MAGI2: variants seen among roughly 807,000 people sequenced by gnomAD.
MAGI2 encodes the protein membrane associated guanylate kinase, WW and PDZ domain containing 2, also known as membrane-associated guanylate kinase, WW and PDZ domain-containing protein 2.
Under a neutral mutation model 133.3 loss-of-function variants are expected in MAGI2, and 35 were observed. That is an observed-to-expected ratio of 0.26 (90% CI 0.20 to 0.35). MAGI2 has a LOEUF of 0.35. Among genes scored for constraint, MAGI2 ranks in the 10% least tolerant of loss-of-function variants. MAGI2 has a pLI of 1.00. For synonymous variants in MAGI2, 729 were observed against 710.6 expected (o/e 1.03, Z -0.41); for missense variants, 1,636 against 1,863.4 (o/e 0.88, Z 2.25).
chr7:78,876,516 C>T (rs181726904), intron 2 of MAGI2, among the ~76,000 whole-genome samples: 1 of 151,790 alleles, frequency 6.6e-6, no homozygotes, highest in East Asian at 1.9e-4. Flanking sequence ...TTTCAATTAA[C>T]CCAAAGCAGG....
At position 78,798,834 on chromosome 7, in the gene MAGI2, T is replaced by C. The variant is rs146015388; in HGVS notation, c.419-171595A>G. Among the ~76,000 whole-genome samples the C allele has an allele frequency of 1.5e-3, 229 of 152,300 alleles. 1 individual carries two copies. The highest frequency in any genetic ancestry group is 5.3e-3 in the African/African-American group (221 of 41,574). On this transcript the variant is annotated intron_variant, in intron 2 of 21. Coordinates refer to ENST00000354212, the MANE Select transcript of MAGI2 (RefSeq NM_012301.4). The stretch of plus-strand genomic sequence containing the variant: ...TGTATTCTAACTAAGGCAAATCTAA[T>C]ATACAGTTTGTACAAAATCCTCAGG...
chr7:78,195,456 A>T (rs1030522745), intron 11 of MAGI2, among the ~76,000 whole-genome samples: 2 of 152,218 alleles, frequency 1.3e-5, no homozygotes, highest in Non-Finnish European at 2.9e-5. Flanking sequence ...TGGTTTCAAC[A>T]TATTACATCA....
chr7:78,440,413 G>A (rs947029222), intron 6 of MAGI2, among the ~76,000 whole-genome samples: 9 of 152,086 alleles, frequency 5.9e-5, no homozygotes, highest in Admixed American at 2.6e-4. Context: ...AAACCATGAG[G>A]GTCTGGGCTA....
At chr7:78,249,153 CCA>C (rs1792113382) in intron 10 of MAGI2, among the ~76,000 whole-genome samples, 1 of 152,116 alleles carries the variant, frequency 6.6e-6, no homozygotes, top group Non-Finnish European at 1.5e-5. Flanking sequence ...CAAATCAAAA[CCA>C]CAGTGTGATA....
At chr7:78,715,323 A>G (rs1309856034) in intron 2 of MAGI2, among the ~76,000 whole-genome samples, 1 of 152,182 alleles carries the variant, frequency 6.6e-6, no homozygotes, top group Non-Finnish European at 1.5e-5. Context: ...TGGAAGTTTA[A>G]GAAGAATATT....
chr7:79,423,394 A>T (rs1165702884), intron 1 of MAGI2, among the ~76,000 whole-genome samples: 2 of 151,818 alleles, frequency 1.3e-5, no homozygotes, highest in East Asian at 3.9e-4. Context: ...TTTTCATTTA[A>T]TATTAATTGT....
Position 78,857,896 on chromosome 7 carries a change from T to C in MAGI2, c.418+149194A>G, listed in dbSNP as rs191220267. On this transcript the variant is annotated intron_variant, in intron 2 of 21. Coordinates refer to ENST00000354212, the MANE Select transcript of MAGI2 (RefSeq NM_012301.4). The stretch of plus-strand genomic sequence containing the variant: ...TCCGTCTGGTCCTGGATTTTTTTTG[T>C]TGGTAGGCCATTAATCATTGCCTCA... Among the ~76,000 whole-genome samples, 192 of 152,278 alleles carry C rather than the reference T, an allele frequency of 1.3e-3. 1 individual carries two copies. Among genetic ancestry groups the C allele is most frequent in the African/African-American group, 4.4e-3 (184 of 41,572 alleles).
At chr7:78,824,198 C>A (rs1184987602) in intron 2 of MAGI2, among the ~76,000 whole-genome samples, 2 of 152,090 alleles carry the variant, frequency 1.3e-5, no homozygotes, top group African/African-American at 4.8e-5. Context: ...TAACTGAATT[C>A]AACACACAAG....
chr7:78,872,919 T>C (rs2151525742), intron 2 of MAGI2, among the ~76,000 whole-genome samples: 1 of 152,222 alleles, frequency 6.6e-6, no homozygotes, highest in East Asian at 1.9e-4. Flanking sequence ...ATCAAAAATA[T>C]GTAACACTGT....
intron 1 of MAGI2, among the ~76,000 whole-genome samples, chr7:79,039,855 TTATATA>T (rs901795545): frequency 7.0e-6 from 1 of 142,910 alleles, no homozygotes. Flanking sequence ...TACATATATA[TTATATA>T]TATATAATAT....
intron 1 of MAGI2, among the ~76,000 whole-genome samples, chr7:79,449,112 T>A (rs1410601776): frequency 1.3e-5 from 2 of 152,148 alleles, no homozygotes; most frequent in Non-Finnish European, 2.9e-5. Context: ...ATCTTTATTT[T>A]CAGAAAATTT....
Position 78,712,367 on chromosome 7 carries a change from T to C in MAGI2, c.419-85128A>G, listed in dbSNP as rs1294411193. Among the ~76,000 whole-genome samples, 4 of 152,204 alleles carry C rather than the reference T, an allele frequency of 2.6e-5. No individual in the cohort carries two copies. The East Asian group carries it at 5.8e-4, about 22-fold the overall frequency. On this transcript the variant is annotated intron_variant, in intron 2 of 21. Coordinates refer to ENST00000354212, the MANE Select transcript of MAGI2 (RefSeq NM_012301.4). ...AGCTATTTCCAAACAAATTTAGACT[T>C]GTCTTATACATGATGAGAGCTATTT...
intron 15 of MAGI2, among the ~76,000 whole-genome samples, chr7:78,160,589 G>A (rs1172955072): frequency 6.6e-6 from 1 of 152,140 alleles, no homozygotes; most frequent in Non-Finnish European, 1.5e-5. Context: ...TAGATATTGA[G>A]GTTCTTCTTT....
chr7:78,814,405 C>T (rs1332866117), intron 2 of MAGI2, among the ~76,000 whole-genome samples: 7 of 152,170 alleles, frequency 4.6e-5, no homozygotes, highest in Non-Finnish European at 8.8e-5. Flanking sequence ...AGTCTACACC[C>T]GTATCTACCA....
rs375960508 is a variant in MAGI2 at position 79,351,072 on chromosome 7, G to A, written c.301+101948C>T. Among the ~76,000 whole-genome samples the A allele has an allele frequency of 1.5e-4, 23 of 152,204 alleles. No individual in the cohort carries two copies. The East Asian group carries it at 1.7e-3, about 11-fold the overall frequency. On this transcript the variant is annotated intron_variant, in intron 1 of 21. Coordinates refer to ENST00000354212, the MANE Select transcript of MAGI2 (RefSeq NM_012301.4). ...TTCAGATTTGAAAATGAAACCGTTAGTTTGATTCTAAAACCAGGAAAAGTT... is the reference window on the plus strand; with the variant it reads ...TTCAGATTTGAAAATGAAACCGTTAATTTGATTCTAAAACCAGGAAAAGTT...
intron 1 of MAGI2, among the ~76,000 whole-genome samples, chr7:79,151,285 A>C (rs1823211541): frequency 6.6e-6 from 1 of 152,168 alleles, no homozygotes; most frequent in Non-Finnish European, 1.5e-5. Context: ...TAGCATACAA[A>C]ATGTGCTTTA....
intron 2 of MAGI2, among the ~76,000 whole-genome samples, chr7:78,673,877 A>G (rs1814690787): frequency 6.6e-6 from 1 of 152,200 alleles, no homozygotes. Flanking sequence ...TTAAATTACT[A>G]CTTTTATTTT....
intron 7 of MAGI2, among the ~76,000 whole-genome samples, chr7:78,363,268 C>A (rs1459442600): frequency 6.6e-6 from 1 of 152,178 alleles, no homozygotes; most frequent in Admixed American, 6.5e-5. Context: ...CCGAGGTGGG[C>A]GGATCACGAG....
chr7:79,095,263 A>G (rs576707471), intron 1 of MAGI2, among the ~76,000 whole-genome samples: 1 of 152,324 alleles, frequency 6.6e-6, no homozygotes, highest in Admixed American at 6.5e-5. Context: ...TTGACACAAG[A>G]CAGTGCGGTG....
Sources: gnomAD v4.1 joint callset for allele counts (sites outside exome capture counted in the v4.1 genomes callset) on GRCh38, gnomAD v4.1.1 for gene constraint, MANE v1.5 for transcripts, NCBI Gene and HGNC (gene_info 2026-07-23, HGNC 2026-07-21) for gene names.